Variants in CPNE4 observed in about 807,000 individuals in gnomAD.
CPNE4 encodes the protein copine-4.
Under a neutral mutation model 67.9 loss-of-function variants are expected in CPNE4, and 25 were observed. That is an observed-to-expected ratio of 0.37 (90% confidence interval 0.27 to 0.51). The LOEUF (loss-of-function observed/expected upper bound fraction) is 0.51. Ranked by LOEUF, CPNE4 falls within the 20% of genes least tolerant of loss-of-function variation. CPNE4 has a pLI of 0.93. For synonymous variants in CPNE4, 242 were observed against 244.9 expected (o/e 0.99, Z 0.11); for missense variants, 464 against 690.8 (o/e 0.67, Z 3.68).
intron 2 of CPNE4, among the ~76,000 whole-genome samples, chr3:131,865,123 A>T (rs1335748857): frequency 6.6e-6 from 1 of 151,898 alleles, no homozygotes; most frequent in Non-Finnish European, 1.5e-5. Flanking sequence ...TTTATTGAGG[A>T]TTTTTGCTTC....
At chr3:131,758,109 C>A (rs1190671985) in intron 2 of CPNE4, among the ~76,000 whole-genome samples, 1 of 152,208 alleles carries the variant, frequency 6.6e-6, no homozygotes, top group African/African-American at 2.4e-5. Flanking sequence ...TGGGGCACCA[C>A]CTAGTGCAGC....
rs374885218 is a variant in CPNE4 at position 131,641,687 on chromosome 3, T to C, written c.681+27988A>G. 6.8e-4 allele frequency among the ~76,000 whole-genome samples: 103 copies of C among 152,308 alleles called. 1 individual carries two copies. Among genetic ancestry groups the C allele is most frequent in the African/African-American group, 2.3e-3 (94 of 41,574 alleles). On this transcript the variant is annotated intron_variant, in intron 7 of 15. Coordinates refer to ENST00000429747, the MANE Select transcript of CPNE4 (RefSeq NM_130808.3). The stretch of plus-strand genomic sequence containing the variant: ...TTACCTAGAGGAAAAGAAGTCATTA[T>C]ACAAAAAAGATACCTGTACATGCAT...
At chr3:131,862,835 T>G (rs551586577) in intron 2 of CPNE4, among the ~76,000 whole-genome samples, 1 of 152,058 alleles carries the variant, frequency 6.6e-6, no homozygotes, top group African/African-American at 2.4e-5. Context: ...ATTAGGTATA[T>G]CTCCTAATGC....
intron 2 of CPNE4, among the ~76,000 whole-genome samples, chr3:131,791,507 C>T (rs1042172737): frequency 1.4e-4 from 22 of 152,160 alleles, no homozygotes; most frequent in African/African-American, 4.8e-4. Context: ...CAAATGGCCC[C>T]TTGTTTAGCA....
intron 7 of CPNE4, among the ~76,000 whole-genome samples, chr3:131,589,887 G>T (rs1938425446): frequency 6.6e-6 from 1 of 152,138 alleles, no homozygotes; most frequent in South Asian, 2.1e-4. Context: ...TGCTGAAAAA[G>T]GTAATGGTCA....
intron 2 of CPNE4, among the ~76,000 whole-genome samples, chr3:131,867,078 G>A (rs550781666): frequency 2.0e-5 from 3 of 152,290 alleles, no homozygotes; most frequent in African/African-American, 7.2e-5. Flanking sequence ...AGAAATTCAG[G>A]TGAGAAGTCA....
At chr3:131,575,625 G>A (rs1343557890) in intron 9 of CPNE4, among the ~76,000 whole-genome samples, 1 of 152,084 alleles carries the variant, frequency 6.6e-6, no homozygotes, top group African/African-American at 2.4e-5. Flanking sequence ...GAACAACAAT[G>A]ACTAACATTT....
chr3:131,892,646 A>G (rs2088161236), intron 2 of CPNE4, among the ~76,000 whole-genome samples: 2 of 152,154 alleles, frequency 1.3e-5, no homozygotes, highest in African/African-American at 4.8e-5. Flanking sequence ...ACTAAGGAAC[A>G]CATAATGGAT....
At position 131,844,753 on chromosome 3, in the gene CPNE4, T is replaced by C. The variant is rs536206715; in HGVS notation, c.180+60511A>G. 2.6e-5 allele frequency among the ~76,000 whole-genome samples: 4 copies of C among 152,306 alleles called. No individual in the cohort carries two copies. The South Asian group carries it at 8.3e-4, about 32-fold the overall frequency. Reference sequence around the variant, plus strand: ...GCCATCAGTTAAGGTGTTATTATCATTTTCTCTCCCATTCCATTTTTAATT... The same window carrying C: ...GCCATCAGTTAAGGTGTTATTATCACTTTCTCTCCCATTCCATTTTTAATT... On this transcript the variant is annotated intron_variant, in intron 2 of 15. Coordinates refer to ENST00000429747, the MANE Select transcript of CPNE4 (RefSeq NM_130808.3).
intron 2 of CPNE4, among the ~76,000 whole-genome samples, chr3:131,885,717 A>T (rs1397287348): frequency 6.6e-6 from 1 of 151,636 alleles, no homozygotes; most frequent in Non-Finnish European, 1.5e-5. Flanking sequence ...CAGTCCCCAC[A>T]GTGTGATGTT....
chr3:131,546,075 C>CCA (rs777264587), intron 14 of CPNE4, among the ~76,000 whole-genome samples: 17 of 151,862 alleles, frequency 1.1e-4, no homozygotes, highest in Admixed American at 3.3e-4. Context: ...ACACAAAAAA[C>CCA]CACACACACA....
intron 1 of CPNE4, among the ~76,000 whole-genome samples, chr3:131,968,475 T>C (rs948539756): frequency 5.3e-5 from 8 of 152,218 alleles, no homozygotes; most frequent in African/African-American, 1.9e-4. Context: ...AAAGGTCTAA[T>C]ATCCAGAATC....
intron 2 of CPNE4, among the ~76,000 whole-genome samples, chr3:131,805,611 C>T (rs2084279325): frequency 6.6e-6 from 1 of 152,176 alleles, no homozygotes; most frequent in Admixed American, 6.5e-5. Flanking sequence ...GACTGCCTCC[C>T]TCACATGTCT....
intron 2 of CPNE4, among the ~76,000 whole-genome samples, chr3:131,783,826 C>G (rs1475601296): frequency 1.3e-5 from 2 of 152,028 alleles, no homozygotes; most frequent in Non-Finnish European, 2.9e-5. Flanking sequence ...TATTGCTTAT[C>G]CATACTGACC....
At chr3:131,793,828 G>A (rs1189545085) in intron 2 of CPNE4, among the ~76,000 whole-genome samples, 2 of 152,024 alleles carry the variant, frequency 1.3e-5, no homozygotes, top group African/African-American at 2.4e-5. Flanking sequence ...CTGTATACAT[G>A]AGATTAGAGT....
intron 2 of CPNE4, among the ~76,000 whole-genome samples, chr3:131,766,061 C>T (rs1302288610): frequency 6.6e-6 from 1 of 152,046 alleles, no homozygotes; most frequent in Non-Finnish European, 1.5e-5. Context: ...TGTTGGTGCT[C>T]AGAGCTAGAG....
chr3:131,753,192 A>G (rs900365002), intron 2 of CPNE4, among the ~76,000 whole-genome samples: 2 of 151,896 alleles, frequency 1.3e-5, no homozygotes, highest in Admixed American at 1.3e-4. Context: ...ATTATGTAAT[A>G]AGTCCTCAAC....
At chr3:131,739,922 T>TA (rs2082319781) in intron 2 of CPNE4, among the ~76,000 whole-genome samples, 1 of 152,222 alleles carries the variant, frequency 6.6e-6, no homozygotes. Context: ...ATATCCCAGT[T>TA]ACCTCTCTCT....
intron 2 of CPNE4, among the ~76,000 whole-genome samples, chr3:131,877,308 G>T (rs149759268): frequency 6.6e-6 from 1 of 152,262 alleles, no homozygotes; most frequent in African/African-American, 2.4e-5. Flanking sequence ...TGTCCAGGGG[G>T]CAACAACCAT....
Sources: gnomAD v4.1 joint callset for allele counts (sites outside exome capture counted in the v4.1 genomes callset) on GRCh38, gnomAD v4.1.1 for gene constraint, MANE v1.5 for transcripts, NCBI Gene and HGNC (gene_info 2026-07-23, HGNC 2026-07-21) for gene names.